The following DMD variants were observed in gnomAD, a reference collection of about 807,000 sequenced individuals.
DMD encodes dystrophin.
A neutral mutation model predicts 330.1 loss-of-function variants in DMD; 63 were observed. The ratio of observed to expected loss-of-function variants is 0.19; its 90% CI spans 0.16 to 0.24. The LOEUF (loss-of-function observed/expected upper bound fraction) is 0.24, where lower values mean the gene tolerates loss of function less well. Ranked by LOEUF, DMD falls within the 10% of genes least tolerant of loss-of-function variation. The pLI is 1.00. For missense variants in DMD, 3,344 were observed against 2,684.1 expected (o/e 1.25, Z -5.43); for synonymous variants, 1,223 against 959.8 (o/e 1.27, Z -5.07).
chrX:32,702,133 A>T (rs184471983), intron 7 of DMD, among the ~76,000 whole-genome samples: 17 of 112,467 alleles, frequency 1.5e-4, no homozygotes, highest in Admixed American at 5.7e-4. Flanking sequence ...AATTTGAAAG[A>T]TAGAAAATTC....
In DMD at chrX:32,663,179, A is replaced by G. The variant is rs146465447; in HGVS notation, c.961-18027T>C. 6.4e-3 allele frequency among the ~76,000 whole-genome samples: 714 copies of G among 112,042 alleles called. 5 individuals are homozygous for G. The highest frequency in any genetic ancestry group is 0.022 in the African/African-American group (683 of 30,932). On this transcript the variant is annotated intron_variant, in intron 9 of 78. Coordinates refer to ENST00000357033, the MANE Select transcript of DMD (RefSeq NM_004006.3). ...TAGGCTTGCCAATGCATTCGATGCC[A>G]TCAGCACAGGGATATCTATCCTTGC...
chrX:31,822,653 G>GGGGGTGTGTGTGTGTGTGTGT (rs58903799), intron 49 of DMD, among the ~76,000 whole-genome samples: 14 of 65,809 alleles, frequency 2.1e-4, no homozygotes, highest in African/African-American at 8.3e-4. Flanking sequence ...AAGGCAGAGG[G>GGGGGTGTGTGTGTGTGTGTGT]GTGTGTGTGT....
rs753410642 is a variant in DMD at position 32,389,660 on chromosome X, A to T, written c.4359T>A (p.Asp1453Glu). 2 of 1,210,732 alleles carry T rather than the reference A, an allele frequency of 1.7e-6. No individual in the cohort carries two copies. Among genetic ancestry groups the T allele is most frequent in the East Asian group, 3.0e-5 (1 of 33,774 alleles). The change falls in exon 32 of 79, where the codon GAT (aspartate) becomes GAA (glutamate). Residue 1453 changes from aspartate (D) to glutamate (E), a missense_variant. Transcript: ENST00000357033. ...GGAATAATCGAAACTTCATGGAGAC[A>T]TCTTGTAATTTTTTCTGTAAGGACA... Reference protein sequence around the residue: ...QIDVAQKKLQDVSMKFRLFQK... With the variant: ...QIDVAQKKLQEVSMKFRLFQK...
chrX:33,040,850 A>G (rs1283398744), intron 1 of DMD, among the ~76,000 whole-genome samples: 3 of 112,398 alleles, frequency 2.7e-5, no homozygotes, highest in African/African-American at 9.7e-5. Context: ...ATCAAGAAGT[A>G]AAGCCATCAA....
chrX:32,807,127 A>ATTT (rs2077004472), intron 7 of DMD, among the ~76,000 whole-genome samples: 2 of 101,306 alleles, frequency 2.0e-5, no homozygotes, highest in African/African-American at 7.4e-5. Flanking sequence ...ACATTTAAAA[A>ATTT]AAAAAAAAAA....
At chrX:33,294,089 A>C (rs1433945525) in intron 1 of DMD, among the ~76,000 whole-genome samples, 5 of 111,480 alleles carry the variant, frequency 4.5e-5, no homozygotes, top group Non-Finnish European at 9.4e-5. Flanking sequence ...GTCTATCCAG[A>C]GTAAAGTTTC....
intron 1 of DMD, among the ~76,000 whole-genome samples, chrX:33,258,549 A>G (rs1182800799): frequency 1.2e-4 from 13 of 111,293 alleles, no homozygotes. Flanking sequence ...AAGATTCCCT[A>G]AAATATTGGT....
chrX:33,015,234 T>C (rs2093778066), intron 2 of DMD, among the ~76,000 whole-genome samples: 1 of 111,685 alleles, frequency 9.0e-6, no homozygotes, highest in African/African-American at 3.3e-5. Flanking sequence ...GCAGCACTAT[T>C]TACAATAGCA....
At chrX:32,603,820 G>A (rs763683953) in intron 12 of DMD, among the ~76,000 whole-genome samples, 8 of 110,900 alleles carry the variant, frequency 7.2e-5, no homozygotes, top group Non-Finnish European at 1.5e-4. Context: ...CAAAAATCTT[G>A]GACAGACCAA....
At chrX:33,009,534 A>G (rs1326872699) in intron 2 of DMD, among the ~76,000 whole-genome samples, 1 of 79,089 alleles carries the variant, frequency 1.3e-5, no homozygotes, top group African/African-American at 5.7e-5. Flanking sequence ...GTATGTGTGT[A>G]TGTGTATATA....
chrX:31,391,763 C>T (rs544853838), intron 60 of DMD, among the ~76,000 whole-genome samples: 37 of 110,290 alleles, frequency 3.4e-4, no homozygotes, highest in East Asian at 1.1e-3. Context: ...CCCAGCTACT[C>T]AGGAGGCTGA....
At chrX:31,818,780 C>G (rs377585618) in intron 50 of DMD, among the ~76,000 whole-genome samples, 1 of 110,082 alleles carries the variant, frequency 9.1e-6, no homozygotes, top group Non-Finnish European at 1.9e-5. Flanking sequence ...TCTCCAAAGT[C>G]GTTAAATCTA....
At chrX:31,587,794 G>C (rs912865013) in intron 55 of DMD, among the ~76,000 whole-genome samples, 1 of 111,522 alleles carries the variant, frequency 9.0e-6, no homozygotes, top group Non-Finnish European at 1.9e-5. Flanking sequence ...TCATTTGACT[G>C]TAGATAAGCT....
At chrX:32,007,214 TATAATAATA>T (rs200080398) in intron 44 of DMD, among the ~76,000 whole-genome samples, 56,592 of 94,161 alleles carry the variant, frequency 0.6, 15,413 homozygotes, top group Non-Finnish European at 0.77. Flanking sequence ...AAACTTAAAG[TATAATAATA>T]ATAATAATAA....
rs16990586 is a variant in DMD at position 32,719,787 on chromosome X, A to G, written c.650-20494T>C. On this transcript the variant is annotated intron_variant, in intron 7 of 78. Transcript: ENST00000357033. Reference sequence around the variant, plus strand: ...TACTGTTATCAGTCAGTCAATATCCAAATGCTTGGTGTGCAGTTATTTCCC... The same window carrying G: ...TACTGTTATCAGTCAGTCAATATCCGAATGCTTGGTGTGCAGTTATTTCCC... Among the ~76,000 whole-genome samples, 450 of 110,330 alleles carry G rather than the reference A, an allele frequency of 4.1e-3. 2 individuals are homozygous for G. Among genetic ancestry groups the G allele is most frequent in the African/African-American group, 0.014 (423 of 30,414 alleles).
intron 20 of DMD, among the ~76,000 whole-genome samples, chrX:32,488,061 T>C (rs907511716): frequency 1.8e-5 from 2 of 111,787 alleles, no homozygotes; most frequent in African/African-American, 6.5e-5. Context: ...GCCAACATTA[T>C]AGCCAAGTGT....
intron 2 of DMD, among the ~76,000 whole-genome samples, chrX:33,010,363 C>CATAT (rs755223767): frequency 0.053 from 5,443 of 103,622 alleles, 374 homozygotes; most frequent in African/African-American, 0.18. Flanking sequence ...TATGTATATC[C>CATAT]ATATATATAT....
intron 49 of DMD, among the ~76,000 whole-genome samples, chrX:31,822,654 GT>G (rs112762674): frequency 0.013 from 117 of 8,817 alleles, 2 homozygotes; most frequent in African/African-American, 0.026. Flanking sequence ...AGGCAGAGGG[GT>G]GTGTGTGTGT....
intron 2 of DMD, among the ~76,000 whole-genome samples, chrX:33,009,346 ATACACATGTGTG>A (rs1448343449): frequency 3.9e-5 from 2 of 51,470 alleles, no homozygotes; most frequent in African/African-American, 1.7e-4. Flanking sequence ...ACACGTGTAT[ATACACATGTGTG>A]TATATGTGTA....
Sources: gnomAD v4.1 joint callset for allele counts (sites outside exome capture counted in the v4.1 genomes callset) on GRCh38, gnomAD v4.1.1 for gene constraint, MANE v1.5 for transcripts, NCBI Gene and HGNC (gene_info 2026-07-23, HGNC 2026-07-21) for gene names.